OSBP: variants seen among roughly 807,000 people sequenced by gnomAD.
OSBP encodes the protein oxysterol binding protein.
Under a neutral mutation model 96.6 loss-of-function variants are expected in OSBP, and 32 were observed. That is an observed-to-expected ratio of 0.33 (90% confidence interval 0.25 to 0.45). The LOEUF (loss-of-function observed/expected upper bound fraction) is 0.45, where lower values mean the gene tolerates loss of function less well. OSBP is among the 20% of genes least tolerant of loss of function. OSBP has a pLI of 1.00. For missense variants in OSBP, 653 were observed against 1,029.7 expected, an observed-to-expected ratio of 0.63 and a Z score of 5.01; for synonymous variants, 369 against 389.6, an observed-to-expected ratio of 0.95 and a Z score of 0.62.
At chr11:59,605,833 A>G (rs1565120571) in intron 3 of OSBP, among the ~76,000 whole-genome samples, 2 of 152,232 alleles carry the variant, frequency 1.3e-5, no homozygotes, top group South Asian at 4.1e-4. Context: ...TACCATTTAC[A>G]GATAAGGAAT....
rs2229394 is a variant in OSBP, at chr11:59,600,577, T to C, written c.1230A>G (p.Pro410=). 2.1e-3 allele frequency: 3,376 copies of C among 1,614,112 alleles called. 6 individuals are homozygous for C. The highest frequency in any genetic ancestry group is 2.6e-3 in the Non-Finnish European group (3,098 of 1,179,990). Reference sequence around the variant, plus strand: ...AATTGAGGCTATAGTTTGGCTTGTATGGTATTCTGGTTCTCTTTTCCTTTT... The same window carrying C: ...AATTGAGGCTATAGTTTGGCTTGTACGGTATTCTGGTTCTCTTTTCCTTTT... ...ETKKEKRTRI[P]YKPNYSLNLW... is the part of the protein sequence containing the mutation. The change falls in exon 7 of 14, where the codon CCA becomes CCG. Residue 410 remains proline, a synonymous_variant. Coordinates refer to ENST00000263847, the MANE Select transcript of OSBP (RefSeq NM_002556.3).
chr11:59,591,581 T>C (rs893088115), intron 9 of OSBP, among the ~76,000 whole-genome samples: 6 of 151,992 alleles, frequency 3.9e-5, no homozygotes, highest in Admixed American at 2.6e-4. Flanking sequence ...TGGTCTTTTT[T>C]TGTATCATTA....
chr11:59,581,308 C>T (rs1381655977), intron 10 of OSBP, 143 bp downstream of exon 10: 7 of 443,280 alleles, frequency 1.6e-5, no homozygotes, highest in Non-Finnish European at 2.9e-5. Flanking sequence ...GGTAGGGCTA[C>T]TGCCTGAGAG....
chr11:59,608,367 G>T, intron 3 of OSBP, 117 bp downstream of exon 3: 1 of 1,244,884 alleles, frequency 8.0e-7, no homozygotes, highest in Non-Finnish European at 1.2e-6. Context: ...CCCTTGACCA[G>T]TGAAGCAGGC....
intron 6 of OSBP, 50 bp downstream of exon 6, chr11:59,600,769 G>C: frequency 6.5e-7 from 1 of 1,537,288 alleles, no homozygotes; most frequent in East Asian, 2.2e-5. Flanking sequence ...AAATCCTTGG[G>C]AATCACAACC....
intron 5 of OSBP, 45 bp from the exon 6 acceptor site, chr11:59,600,918 C>A (rs774171734): frequency 2.0e-6 from 3 of 1,517,658 alleles, no homozygotes; most frequent in Non-Finnish European, 2.7e-6. Context: ...AAGACCAGAA[C>A]TAGAGTGTGG....
At chr11:59,594,915 A>G (rs1051305881) in intron 7 of OSBP, among the ~76,000 whole-genome samples, 1 of 152,090 alleles carries the variant, frequency 6.6e-6, no homozygotes, top group Non-Finnish European at 1.5e-5. Flanking sequence ...TAAAGCAAGC[A>G]TGTGTGTGTT....
chr11:59,600,490 C>T lies in OSBP; in HGVS notation c.1311+6G>A. 2 of 1,613,620 alleles carry T rather than the reference C, an allele frequency of 1.2e-6. No homozygotes were observed. Among genetic ancestry groups the T allele is most frequent in the East Asian group, 2.2e-5 (1 of 44,874 alleles). On this transcript the variant is annotated splice_donor_region_variant and intron_variant, in intron 7 of 13. Transcript: ENST00000263847. Reference sequence around the variant, plus strand: ...TGGCAGCAGCTCCAGTGTGCAAGAACCTTACCGGCATGGGGATCTTAGAGA... The same window carrying T: ...TGGCAGCAGCTCCAGTGTGCAAGAATCTTACCGGCATGGGGATCTTAGAGA...
chr11:59,606,744 C>T (rs973515860), intron 3 of OSBP, among the ~76,000 whole-genome samples: 7 of 152,118 alleles, frequency 4.6e-5, no homozygotes, highest in African/African-American at 7.2e-5. Context: ...TAACTTTGCC[C>T]GTTTAGAGCT....
chr11:59,598,902 T>A (rs909399814), intron 7 of OSBP, among the ~76,000 whole-genome samples: 2 of 152,206 alleles, frequency 1.3e-5, no homozygotes, highest in African/African-American at 2.4e-5. Context: ...GATGCACCCT[T>A]AAATGGTACA....
intron 7 of OSBP, among the ~76,000 whole-genome samples, chr11:59,599,583 C>T (rs1483851204): frequency 2.6e-5 from 4 of 152,128 alleles, no homozygotes; most frequent in Non-Finnish European, 5.9e-5. Context: ...ACTGTTTACA[C>T]CATCAACAGT....
In OSBP at chr11:59,615,400, A is replaced by AGCCCGAACCCCCAGC; in HGVS notation, c.250_264dup (p.Ala84_Gly88dup). 1 of 1,566,612 alleles carries AGCCCGAACCCCCAGC rather than the reference A, an allele frequency of 6.4e-7. No individual in the cohort carries two copies. The highest frequency in any genetic ancestry group is 8.7e-7 in the Non-Finnish European group (1 of 1,154,664). On this transcript the variant is annotated inframe_insertion, in exon 1 of 14. Transcript: ENST00000263847. ...TTGAAGAGCCAGCCCTCTCGAGCCG[A>AGCCCGAACCCCCAGC]GCCCGAACCCCCAGCGCCCGAGCCG...
chr11:59,600,971 A>G, intron 5 of OSBP, 98 bp from the exon 6 acceptor site: 1 of 964,328 alleles, frequency 1.0e-6, no homozygotes, highest in South Asian at 1.4e-5. Context: ...AGTACACTGT[A>G]TAAACTTATT....
chr11:59,593,097 C>T (rs1860606089), intron 9 of OSBP, among the ~76,000 whole-genome samples: 4 of 152,080 alleles, frequency 2.6e-5, no homozygotes. Flanking sequence ...TGTGCCCAGC[C>T]CCAAGTAAGA....
intron 9 of OSBP, among the ~76,000 whole-genome samples, chr11:59,589,683 G>A (rs1009355267): frequency 5.9e-5 from 9 of 151,410 alleles, no homozygotes; most frequent in Admixed American, 5.3e-4. Context: ...CCTAGAACTC[G>A]ATGAAGAAAT....
intron 1 of OSBP, among the ~76,000 whole-genome samples, chr11:59,611,166 GA>G (rs1464463791): frequency 6.8e-6 from 1 of 147,292 alleles, no homozygotes; most frequent in Non-Finnish European, 1.5e-5. Context: ...AAGAAAGAAA[GA>G]AAGAAAGAAA....
intron 11 of OSBP, 22 bp from the exon 12 acceptor site, chr11:59,578,352 C>T (rs1860383559): frequency 1.2e-6 from 2 of 1,610,342 alleles, no homozygotes; most frequent in Non-Finnish European, 1.7e-6. Context: ...GAGAACAGGG[C>T]TTGGCTATAT....
At chr11:59,579,686 C>A (rs1363483605) in intron 11 of OSBP, among the ~76,000 whole-genome samples, 1 of 151,732 alleles carries the variant, frequency 6.6e-6, no homozygotes, top group East Asian at 1.9e-4. Flanking sequence ...AGTAGTAATA[C>A]AATATAGTCT....
rs1860532074 is a variant in OSBP at position 59,588,553 on chromosome 11, A to AT, written c.1678+5050dup. ...TCGGTCTCAAAAAAAAAAAAAAAAA[A>AT]TTATTTTTTAATGTATATAGAGTTC... On this transcript the variant is annotated intron_variant, in intron 9 of 13. Coordinates refer to ENST00000263847, the MANE Select transcript of OSBP (RefSeq NM_002556.3). Among the ~76,000 whole-genome samples the AT allele has an allele frequency of 2.0e-5, 3 of 151,086 alleles. No individual in the cohort carries two copies. In the South Asian group the frequency reaches 6.2e-4, roughly 31 times the overall value.
Sources: gnomAD v4.1 joint callset for allele counts (sites outside exome capture counted in the v4.1 genomes callset) on GRCh38, gnomAD v4.1.1 for gene constraint, MANE v1.5 for transcripts, NCBI Gene and HGNC (gene_info 2026-07-23, HGNC 2026-07-21) for gene names.